ATXN1: variants seen among roughly 807,000 people sequenced by gnomAD.
ATXN1 encodes ataxin 1.
ATXN1 carries 8 observed loss-of-function variants against 56.4 expected under a neutral mutation model. The ratio of observed to expected loss-of-function variants is 0.14; its 90% confidence interval spans 0.08 to 0.26. The LOEUF is 0.26. Ranked by LOEUF, ATXN1 falls within the 10% of genes least tolerant of loss-of-function variation. The pLI is 1.00. For missense variants in ATXN1, 987 were observed against 1,106.5 expected (o/e 0.89, Z 1.53); for synonymous variants, 514 against 494.6 (o/e 1.04, Z -0.52).
rs1760251732 is a variant in ATXN1 at position 16,306,414 on chromosome 6, TC to T, written c.2362del (p.Glu788AsnfsTer4). The stretch of plus-strand genomic sequence containing the variant: ...AGGCTTAGGAAGAGTCAAAGGTGGT[TC>T]GTCTTCTGACTTCTCCAGTTTGCGG... ...ESRKLEKSED[E>X]PPLTLPKPSL... On this transcript the variant is annotated frameshift_variant, in exon 8 of 8. Coordinates refer to ENST00000436367, the MANE Select transcript of ATXN1 (RefSeq NM_001128164.2). LOFTEE classifies it high-confidence loss of function. This position sits in a 1 kb window ranked among gnomAD's most constrained non-coding sequence, Gnocchi z 5.2. 6 of 1,614,100 alleles carry T rather than the reference TC, an allele frequency of 3.7e-6. No individual in the cohort carries two copies. Among genetic ancestry groups the T allele is most frequent in the Non-Finnish European group, 4.2e-6 (5 of 1,180,042 alleles).
chr6:16,703,537 T>C (rs1239898953), intron 2 of ATXN1, among the ~76,000 whole-genome samples: 1 of 152,192 alleles, frequency 6.6e-6, no homozygotes, highest in Non-Finnish European at 1.5e-5. Context: ...ATGAAAAGTA[T>C]TGCAACTAGG....
At chr6:16,726,905 G>A (rs1214293592) in intron 2 of ATXN1, among the ~76,000 whole-genome samples, 1 of 152,166 alleles carries the variant, frequency 6.6e-6, no homozygotes, top group African/African-American at 2.4e-5. Flanking sequence ...ACTTCAGATG[G>A]ATTGCTCAAG....
At chr6:16,343,361 A>AGT (rs1462332332) in intron 6 of ATXN1, among the ~76,000 whole-genome samples, 5 of 152,084 alleles carry the variant, frequency 3.3e-5, no homozygotes, top group Admixed American at 3.3e-4. Context: ...TAAATAAATA[A>AGT]ATATGTCATG....
intron 2 of ATXN1, among the ~76,000 whole-genome samples, chr6:16,703,218 A>G (rs1759326367): frequency 6.6e-6 from 1 of 152,090 alleles, no homozygotes. Flanking sequence ...ATTCTCAGCA[A>G]ACTATCGCAA....
chr6:16,327,673 T>TGCC lies in ATXN1; in HGVS notation c.637_638insGGC (p.Gln212_Gln213insArg), dbSNP rs1227560444. On this transcript the variant is annotated inframe_insertion, in exon 7 of 8. Transcript: ENST00000436367. ...CTGCTGCTGCTGCTGCTGCTGCTGC[T>TGCC]GCTGATGCTGATGCTGCTGCTGCTG... is the stretch of plus-strand genomic sequence containing the variant. 6.6e-7 allele frequency: 1 copy of TGCC among 1,520,482 alleles called. No homozygotes were observed. The highest frequency in any genetic ancestry group is 1.9e-5 in the Admixed American group (1 of 51,838). The allele number at this position is 1,520,482 out of a possible 1,614,324, so 94.2% of individuals were successfully genotyped here.
rs556103716 is a variant in ATXN1, at chr6:16,705,636, C to T, written c.-615+47597G>A. Among the ~76,000 whole-genome samples the T allele has an allele frequency of 5.9e-5, 9 of 152,288 alleles. No homozygotes were observed. In the South Asian group the frequency reaches 6.2e-4, roughly 11 times the overall value. Reference sequence around the variant, plus strand: ...TGCTTATTAACATCTCTCCAATCTGCTCATTCTTTCCATTCTGTCACTTCC... The same window carrying T: ...TGCTTATTAACATCTCTCCAATCTGTTCATTCTTTCCATTCTGTCACTTCC... On this transcript the variant is annotated intron_variant, in intron 2 of 7. Transcript: ENST00000436367.
chr6:16,491,283 T>TATTATTA (rs57752763), intron 5 of ATXN1, among the ~76,000 whole-genome samples: 8,720 of 115,168 alleles, frequency 0.076, 426 homozygotes, highest in East Asian at 0.12. Context: ...TATTATTTTT[T>TATTATTA]TTTTTTTTTT....
chr6:16,390,458 T>C (rs1023432181), intron 6 of ATXN1, among the ~76,000 whole-genome samples: 2 of 152,074 alleles, frequency 1.3e-5, no homozygotes, highest in Non-Finnish European at 2.9e-5. Context: ...TAACTGCCCA[T>C]CCCTGAAATA....
intron 3 of ATXN1, among the ~76,000 whole-genome samples, chr6:16,640,600 G>A (rs915380724): frequency 4.6e-5 from 7 of 151,806 alleles, no homozygotes; most frequent in South Asian, 2.1e-4. Context: ...GGAGAATGGC[G>A]TGAACCCGGG....
Position 16,543,481 on chromosome 6 carries a change from C to G in ATXN1, c.-360-20793G>C, listed in dbSNP as rs1028081791. On this transcript the variant is annotated intron_variant, in intron 4 of 7. Coordinates refer to ENST00000436367, the MANE Select transcript of ATXN1 (RefSeq NM_001128164.2). ...TGCTAAAGGCAGGGCACATAAGACT[C>G]TTACAGGAAAGTATGCCAAGAGAAA... is the stretch of plus-strand genomic sequence containing the variant. 2.6e-5 allele frequency among the ~76,000 whole-genome samples: 4 copies of G among 151,964 alleles called. No homozygotes were observed. In the South Asian group the frequency reaches 8.3e-4, roughly 31 times the overall value.
intron 5 of ATXN1, among the ~76,000 whole-genome samples, chr6:16,515,450 AGCACC>A (rs939660149): frequency 4.1e-4 from 62 of 152,242 alleles, no homozygotes; most frequent in Admixed American, 1.3e-3. Flanking sequence ...ACCAACAAGA[AGCACC>A]GTGTCCTGGG....
chr6:16,552,891 TTCTG>T (rs796902806), intron 4 of ATXN1, among the ~76,000 whole-genome samples: 31 of 152,376 alleles, frequency 2.0e-4, no homozygotes, highest in African/African-American at 7.2e-4. Context: ...GCTGGGCCTC[TTCTG>T]TCTAAGGATG....
intron 7 of ATXN1, among the ~76,000 whole-genome samples, chr6:16,324,615 T>A (rs1288812569): frequency 6.6e-6 from 1 of 152,154 alleles, no homozygotes; most frequent in Non-Finnish European, 1.5e-5. Flanking sequence ...AAATCCTAGA[T>A]GGAAACACTT....
chr6:16,538,817 C>T (rs1761656511), intron 4 of ATXN1, among the ~76,000 whole-genome samples: 1 of 152,162 alleles, frequency 6.6e-6, no homozygotes, highest in Non-Finnish European at 1.5e-5. Flanking sequence ...TCCCAAGTAG[C>T]TGGGACTACA....
At chr6:16,616,364 AC>A (rs1445801652) in intron 3 of ATXN1, among the ~76,000 whole-genome samples, 1 of 151,234 alleles carries the variant, frequency 6.6e-6, no homozygotes, top group Non-Finnish European at 1.5e-5. Context: ...ACATGGTGAA[AC>A]CCTGTCTCTA....
At chr6:16,409,539 G>A (rs1349336791) in intron 6 of ATXN1, among the ~76,000 whole-genome samples, 1 of 151,732 alleles carries the variant, frequency 6.6e-6, no homozygotes, top group Non-Finnish European at 1.5e-5. Context: ...TGTAGTCTCA[G>A]CTACTCGGGA....
At chr6:16,450,108 T>C (rs1759724756) in intron 6 of ATXN1, among the ~76,000 whole-genome samples, 1 of 152,250 alleles carries the variant, frequency 6.6e-6, no homozygotes, top group Non-Finnish European at 1.5e-5. Flanking sequence ...AAAATATTTG[T>C]AAACCTCCAA....
chr6:16,543,225 C>A (rs1761748992), intron 4 of ATXN1, among the ~76,000 whole-genome samples: 1 of 152,210 alleles, frequency 6.6e-6, no homozygotes, highest in South Asian at 2.1e-4. Flanking sequence ...CAGCCACCAC[C>A]ACCTCTCATT....
intron 2 of ATXN1, among the ~76,000 whole-genome samples, chr6:16,659,840 C>T (rs888653758): frequency 1.1e-4 from 16 of 152,084 alleles, no homozygotes; most frequent in Admixed American, 5.9e-4. Flanking sequence ...GCAGCAAAAT[C>T]GATCTGGGAG....
Sources: allele counts gnomAD v4.1 joint callset (sites outside exome capture counted in the v4.1 genomes callset), GRCh38; gene constraint gnomAD v4.1.1; non-coding constraint Gnocchi (gnomAD v3.1); transcripts MANE v1.5; gene names NCBI Gene and HGNC (gene_info 2026-07-23, HGNC 2026-07-21).